The following CACNA1A variants were observed in gnomAD, a reference collection of about 807,000 sequenced individuals.
CACNA1A encodes the protein calcium voltage-gated channel subunit alpha1 A, also known as voltage-dependent P/Q-type calcium channel subunit alpha-1A.
A neutral mutation model predicts 262.4 loss-of-function variants in CACNA1A; 57 were observed. The ratio of observed to expected loss-of-function variants is 0.22; its 90% CI spans 0.18 to 0.27. CACNA1A has a LOEUF of 0.27. CACNA1A is among the 10% of genes least tolerant of loss of function. CACNA1A has a pLI of 1.00. For missense variants in CACNA1A, 2,526 were observed against 3,562.8 expected, an observed-to-expected ratio of 0.71 and a Z score of 7.41; for synonymous variants, 1,431 against 1,419.3, an observed-to-expected ratio of 1.01 and a Z score of -0.18.
At chr19:13,238,329 G>A (rs1030090089) in intron 31 of CACNA1A, among the ~76,000 whole-genome samples, 15 of 152,170 alleles carry the variant, frequency 9.9e-5, no homozygotes, top group African/African-American at 3.1e-4. Flanking sequence ...AAGACATGAG[G>A]ACAGCGTCCT....
At chr19:13,464,403 A>T (rs780272971) in intron 1 of CACNA1A, among the ~76,000 whole-genome samples, 4 of 152,140 alleles carry the variant, frequency 2.6e-5, no homozygotes, top group Non-Finnish European at 5.9e-5. Flanking sequence ...TATCTCTTAA[A>T]ATAAATAAAT....
chr19:13,466,990 C>T (rs570477465), intron 1 of CACNA1A, among the ~76,000 whole-genome samples: 3 of 152,020 alleles, frequency 2.0e-5, no homozygotes, highest in Admixed American at 2.0e-4. Context: ...TGCCTCCCCA[C>T]CTCCCAAAAC....
In CACNA1A at chr19:13,262,521, A is replaced by G; in HGVS notation, c.4089+213T>C. ...TAACCCCAAGACACTTCATCTAAAG[A>G]AAAACTGCCATAATACACAGATTAT... On this transcript the variant is annotated intron_variant, in intron 25 of 46. Transcript: ENST00000360228. 3 of 527,672 alleles carry G rather than the reference A, an allele frequency of 5.7e-6. No homozygotes were observed. In the South Asian group the frequency reaches 8.3e-5, roughly 15 times the overall value. 32.7% of individuals were successfully genotyped at this position (527,672 alleles called of 1,614,324 possible). A position where few individuals can be genotyped will look rare whatever the true frequency, so the allele number is the denominator to read the frequency against.
chr19:13,207,123 T>G lies in CACNA1A; in HGVS notation c.*190A>C. ...GGGGCGCCGTGGCTGCCCAGGAGGG[T>G]CTCTTTTGGCCGAGGGTCTCTGCGG... On this transcript the variant is annotated 3_prime_UTR_variant, in exon 47 of 47. Transcript: ENST00000360228. This position sits in a 1 kb window ranked among gnomAD's most constrained non-coding sequence, Gnocchi z 5.7. 6 of 536,528 alleles carry G rather than the reference T, an allele frequency of 1.1e-5. No homozygotes were observed. Among genetic ancestry groups the G allele is most frequent in the South Asian group, 5.9e-5 (2 of 33,714 alleles). The allele number at this position is 536,528 out of a possible 1,614,324, so 33.2% of individuals were successfully genotyped here.
chr19:13,323,547 C>G (rs1468504475), intron 10 of CACNA1A, among the ~76,000 whole-genome samples: 1 of 152,154 alleles, frequency 6.6e-6, no homozygotes, highest in Non-Finnish European at 1.5e-5. Context: ...CTGCAACCTC[C>G]TCCTCCCGGG....
rs2056084686 is a variant in CACNA1A at position 13,241,584 on chromosome 19, G to A, written c.4950+3598C>T. ...GGCGGGCGGGGGCAGTTGGGGAGGC[G>A]TGTTCAGCATTTTTTAGGTTGATTT... is the stretch of plus-strand genomic sequence containing the variant. On this transcript the variant is annotated intron_variant, in intron 31 of 46. Coordinates refer to ENST00000360228, the MANE Select transcript of CACNA1A (RefSeq NM_001127222.2). The surrounding 1 kb of genome is among the most constrained non-coding windows in gnomAD (Gnocchi z 4.0). 7.8e-6 allele frequency: 8 copies of A among 1,025,532 alleles called. No homozygotes were observed. The highest frequency in any genetic ancestry group is 1.4e-5 in the South Asian group (1 of 73,886). The allele number at this position is 1,025,532 out of a possible 1,614,324, so 63.5% of individuals were successfully genotyped here.
At chr19:13,427,015 G>C (rs983950131) in intron 3 of CACNA1A, among the ~76,000 whole-genome samples, 2 of 152,172 alleles carry the variant, frequency 1.3e-5, no homozygotes, top group African/African-American at 2.4e-5. Context: ...ATGCCTAGCG[G>C]GGAAAAATGG....
chr19:13,452,969 C>G lies in CACNA1A; in HGVS notation c.446G>C (p.Gly149Ala). Residue 149 changes from glycine (G) to alanine (A), a missense_variant, in exon 3 of 47, where the codon GGA becomes GCA. Gly to Ala is a moderately conservative substitution (Grantham distance 60). Transcript: ENST00000360228. Reference protein sequence around the residue: ...YFIGIFCFEAGIKIIALGFAF... With the variant: ...YFIGIFCFEAAIKIIALGFAF... ...AAACCCAAGGGCAATGATTTTAATT[C>G]CAGCCTCGAAACAAAAAATTCCAAT... is the stretch of plus-strand genomic sequence containing the variant. The G allele has an allele frequency of 6.2e-7, 1 of 1,613,944 alleles. No homozygotes were observed. The highest frequency in any genetic ancestry group is 1.7e-5 in the Admixed American group (1 of 60,024).
chr19:13,286,654 G>T lies in CACNA1A; in HGVS notation c.3402C>A (p.Pro1134=). 6.5e-7 allele frequency: 1 copy of T among 1,545,120 alleles called. No homozygotes were observed. Residue 1134 remains proline, a synonymous_variant, in exon 20 of 47, where the codon CCC becomes CCA. Transcript: ENST00000360228. ...TPNNPGNPSN[P]GPPKTPENSL... ...TATTCTCGGGGGTCTTGGGGGGGCC[G>T]GGATTGGATGGGTTCCCCGGGTTGT...
rs1240181536 is a variant in CACNA1A, at chr19:13,236,992, G to GT, written c.4951-1263dup. 6.6e-6 allele frequency among the ~76,000 whole-genome samples: 1 copy of GT among 152,062 alleles called. No individual in the cohort carries two copies. Among genetic ancestry groups the GT allele is most frequent in the East Asian group, 1.9e-4 (1 of 5,190 alleles). ...GAGCAGTGTTTTTTCATTTGTCCTT[G>GT]TTTTTAATTAAAAATTATTGCCATT... is the stretch of plus-strand genomic sequence containing the variant. On this transcript the variant is annotated intron_variant, in intron 31 of 46. Transcript: ENST00000360228. This position sits in a 1 kb window ranked among gnomAD's most constrained non-coding sequence, Gnocchi z 4.6.
chr19:13,254,280 A>T (rs2144731433), intron 29 of CACNA1A, among the ~76,000 whole-genome samples: 1 of 152,094 alleles, frequency 6.6e-6, no homozygotes, highest in African/African-American at 2.4e-5. Context: ...AAAGGTTTTC[A>T]GAGTTTTTTT....
intron 27 of CACNA1A, 76 bp downstream of exon 27, chr19:13,259,488 T>C (rs992084677): frequency 2.1e-6 from 3 of 1,442,354 alleles, no homozygotes; most frequent in Admixed American, 4.4e-5. Flanking sequence ...ACCTTTCTTA[T>C]TGCTAAGCTC....
At chr19:13,242,212 G>A (rs2056099525) in intron 31 of CACNA1A, among the ~76,000 whole-genome samples, 2 of 152,202 alleles carry the variant, frequency 1.3e-5, no homozygotes, top group Non-Finnish European at 2.9e-5. Flanking sequence ...AACAACAGCA[G>A]TAATAGTTAA....
At chr19:13,406,009 G>A (rs1016891696) in intron 3 of CACNA1A, among the ~76,000 whole-genome samples, 2 of 151,974 alleles carry the variant, frequency 1.3e-5, no homozygotes, top group Non-Finnish European at 1.5e-5. Flanking sequence ...CTTTCCATAT[G>A]CCAGCTTTAT....
At chr19:13,375,998 A>G (rs1025398698) in intron 3 of CACNA1A, among the ~76,000 whole-genome samples, 11 of 152,214 alleles carry the variant, frequency 7.2e-5, no homozygotes, top group Non-Finnish European at 1.2e-4. Flanking sequence ...CTTAAGCCAA[A>G]GCCTAATCCA....
chr19:13,213,014 A>C (rs1402086642), intron 40 of CACNA1A, among the ~76,000 whole-genome samples: 1 of 151,938 alleles, frequency 6.6e-6, no homozygotes, highest in African/African-American at 2.4e-5. Context: ...CCACTGTTCC[A>C]CAAGAGCCAC....
intron 3 of CACNA1A, among the ~76,000 whole-genome samples, chr19:13,413,071 C>T (rs1044704238): frequency 4.0e-5 from 6 of 150,904 alleles, no homozygotes; most frequent in African/African-American, 1.5e-4. Context: ...GGCAACCTAG[C>T]AAGAATCCAT....
At position 13,472,672 on chromosome 19, in the gene CACNA1A, T is replaced by G. The variant is rs560606750; in HGVS notation, c.294-17460A>C. The stretch of plus-strand genomic sequence containing the variant: ...ACACTCTGCTCTGTGCTTAACAACC[T>G]TCAGGTCTTCACTTACGTGGTACCC... On this transcript the variant is annotated intron_variant, in intron 1 of 46. Transcript: ENST00000360228. Among the ~76,000 whole-genome samples, 14 of 152,326 alleles carry G rather than the reference T, an allele frequency of 9.2e-5. No individual in the cohort carries two copies. In the South Asian group the frequency reaches 2.5e-3, roughly 27 times the overall value.
intron 3 of CACNA1A, among the ~76,000 whole-genome samples, chr19:13,426,241 G>T (rs111737794): frequency 6.6e-6 from 1 of 152,072 alleles, no homozygotes. Context: ...AAAATTCTTC[G>T]CATATTATGG....
Sources: allele counts gnomAD v4.1 joint callset (sites outside exome capture counted in the v4.1 genomes callset), GRCh38; gene constraint gnomAD v4.1.1; non-coding constraint Gnocchi (gnomAD v3.1); transcripts MANE v1.5; gene names NCBI Gene and HGNC (gene_info 2026-07-23, HGNC 2026-07-21).